Variants in CYP4F11 observed in about 807,000 individuals in gnomAD.
CYP4F11 encodes the protein cytochrome P450 family 4 subfamily F member 11.
A neutral mutation model predicts 62.2 loss-of-function variants in CYP4F11; 79 were observed. That is an observed-to-expected ratio of 1.27 (90% confidence interval 1.06 to 1.53). The LOEUF (loss-of-function observed/expected upper bound fraction) is 1.53. Among genes scored for constraint, CYP4F11 ranks in the 40% most tolerant of loss-of-function variants. The pLI is 0.00. For missense variants in CYP4F11, 777 were observed against 680.5 expected (o/e 1.14, Z -1.58); for synonymous variants, 290 against 263.7 (o/e 1.10, Z -0.97).
Position 15,913,435 on chromosome 19 carries a change from A to C in CYP4F11, c.*297T>G. 2.4e-6 allele frequency: 1 copy of C among 421,302 alleles called. No homozygotes were observed. The highest frequency in any genetic ancestry group is 2.1e-5 in the South Asian group (1 of 46,780). 26.1% of individuals were successfully genotyped at this position (421,302 alleles called of 1,614,324 possible). On this transcript the variant is annotated 3_prime_UTR_variant, in exon 12 of 12. Transcript: ENST00000402119. ...AGTCTTGCTCCTTAAACCCATTCTT[A>C]ATCCTGTTCCCTCTCCTGCTCAAAC...
intron 2 of CYP4F11, 33 bp downstream of exon 2, chr19:15,929,424 C>T: frequency 6.2e-7 from 1 of 1,613,652 alleles, no homozygotes; most frequent in Non-Finnish European, 8.5e-7. Context: ...TGATGTTTCC[C>T]AGCCCCCACT....
intron 1 of CYP4F11, among the ~76,000 whole-genome samples, chr19:15,930,637 A>G (rs892599213): frequency 2.1e-4 from 32 of 152,202 alleles, no homozygotes; most frequent in African/African-American, 7.2e-4. Flanking sequence ...ATACCAAAGC[A>G]GAGGGAGAAG....
rs2089536609 is a variant in CYP4F11, at chr19:15,912,422, A to T, written c.*1310T>A. 1 of 152,128 alleles carries T rather than the reference A, an allele frequency of 6.6e-6. No individual in the cohort carries two copies. 9.4% of individuals were successfully genotyped at this position (152,128 alleles called of 1,614,324 possible). On this transcript the variant is annotated 3_prime_UTR_variant, in exon 12 of 12. Transcript: ENST00000402119. ...TTGATAAAGGTGCAAAGGCAATACG[A>T]TGGTCCCAAATAAAAAATATAATGT...
intron 6 of CYP4F11, among the ~76,000 whole-genome samples, chr19:15,923,238 C>CT (rs2089642090): frequency 2.9e-4 from 32 of 110,464 alleles, no homozygotes; most frequent in Non-Finnish European, 3.7e-4. Context: ...AAGCAAACAT[C>CT]CTCTCTCTCT....
At chr19:15,931,583 A>G (rs373320202) in intron 1 of CYP4F11, among the ~76,000 whole-genome samples, 7,539 of 88,408 alleles carry the variant, frequency 0.085, 514 homozygotes, top group African/African-American at 0.11. Flanking sequence ...TGAGTGAGCG[A>G]GGAGAGGAAT....
intron 5 of CYP4F11, 85 bp downstream of exon 5, chr19:15,924,676 T>A: frequency 6.5e-7 from 1 of 1,540,344 alleles, no homozygotes; most frequent in Non-Finnish European, 8.8e-7. Context: ...GAAAGGCACT[T>A]CTGGTTACCC....
chr19:15,915,181 T>C (rs1371033347), intron 8 of CYP4F11, among the ~76,000 whole-genome samples: 1 of 152,180 alleles, frequency 6.6e-6, no homozygotes, highest in Admixed American at 6.5e-5. Context: ...ATATCCTTTA[T>C]GGTAAGAAAG....
At chr19:15,934,552 G>T (rs958450614), upstream of CYP4F11, 3 of 977,596 alleles carry the variant, frequency 3.1e-6, no homozygotes, top group East Asian at 2.8e-5. Flanking sequence ...CAAGAGCTGA[G>T]ATCTAAAGTC....
In CYP4F11 at chr19:15,931,163, G is replaced by A. The variant is rs1249960602; in HGVS notation, c.199-1562C>T. ...GTTAGTGAGGAAGAGCAAGATAGGA[G>A]GAAGGTGCCTCCAGAAAAGGAGGCA... is the stretch of plus-strand genomic sequence containing the variant. On this transcript the variant is annotated intron_variant, in intron 1 of 11. Coordinates refer to ENST00000402119, the MANE Select transcript of CYP4F11 (RefSeq NM_021187.4). 2.0e-5 allele frequency among the ~76,000 whole-genome samples: 3 copies of A among 151,720 alleles called. 1 individual carries two copies. The highest frequency in any genetic ancestry group is 1.3e-4 in the Admixed American group (2 of 15,260).
At position 15,914,904 on chromosome 19, in the gene CYP4F11, A is replaced by G. The variant is rs1329824566; in HGVS notation, c.1116-9T>C. 1 of 1,613,984 alleles carries G rather than the reference A, an allele frequency of 6.2e-7. No individual in the cohort carries two copies. Among genetic ancestry groups the G allele is most frequent in the Non-Finnish European group, 8.5e-7 (1 of 1,179,970 alleles). On this transcript the variant is annotated splice_polypyrimidine_tract_variant and intron_variant, in intron 8 of 11. Transcript: ENST00000402119. ...GCTGGGCCAGGTCGTCCCTAAGAAA[A>G]CACCCCAGCCCCAATCATTATCAAG...
At chr19:15,919,131 T>C (rs2089603577) in intron 8 of CYP4F11, among the ~76,000 whole-genome samples, 1 of 148,588 alleles carries the variant, frequency 6.7e-6, no homozygotes, top group Admixed American at 6.7e-5. Flanking sequence ...CATTATAATT[T>C]AATAATTAGG....
intron 6 of CYP4F11, among the ~76,000 whole-genome samples, chr19:15,923,435 T>C (rs552247658): frequency 3.0e-4 from 46 of 152,300 alleles, no homozygotes; most frequent in Middle Eastern, 3.4e-3. Flanking sequence ...AGAAGGAATA[T>C]GGGAATAGAG....
chr19:15,926,265 G>A (rs147168126), intron 4 of CYP4F11, among the ~76,000 whole-genome samples: 27 of 152,152 alleles, frequency 1.8e-4, no homozygotes, highest in African/African-American at 6.3e-4. Context: ...ATGGCACCCC[G>A]TGGGATTTAA....
chr19:15,925,588 C>T (rs908238497), intron 4 of CYP4F11, among the ~76,000 whole-genome samples: 5 of 151,778 alleles, frequency 3.3e-5, no homozygotes, highest in East Asian at 1.9e-4. Context: ...ACCTGGATGA[C>T]GGGTTGGTGG....
At chr19:15,915,394 A>G (rs12971888) in intron 8 of CYP4F11, among the ~76,000 whole-genome samples, 82,489 of 152,016 alleles carry the variant, frequency 0.54, 22,942 homozygotes, top group Non-Finnish European at 0.6. Context: ...ATTTATAAAC[A>G]TTTAAGACCC....
chr19:15,912,809 T>TACACAC lies in CYP4F11; in HGVS notation c.*922_*923insGTGTGT, dbSNP rs57767599. On this transcript the variant is annotated 3_prime_UTR_variant, in exon 12 of 12. Transcript: ENST00000402119. ...TATATAATATATATATATATATACA[T>TACACAC]ATCTTATATGCACAGCCCTCTAGGA... 1 of 106,248 alleles carries TACACAC rather than the reference T, an allele frequency of 9.4e-6. No individual in the cohort carries two copies. Among genetic ancestry groups the TACACAC allele is most frequent in the African/African-American group, 3.9e-5 (1 of 25,408 alleles). The allele number at this position is 106,248 out of a possible 1,614,324, so 6.6% of individuals were successfully genotyped here. A position where few individuals can be genotyped will look rare whatever the true frequency, so the allele number is the denominator to read the frequency against.
chr19:15,915,074 G>GA (rs1326915126), intron 8 of CYP4F11, among the ~76,000 whole-genome samples, 179 bp from the exon 9 acceptor site: 5 of 152,020 alleles, frequency 3.3e-5, no homozygotes, highest in African/African-American at 7.2e-5. Flanking sequence ...AAAAGTACCA[G>GA]AAAAAAATGG....
intron 2 of CYP4F11, among the ~76,000 whole-genome samples, chr19:15,928,916 A>C (rs757215001): frequency 6.6e-6 from 1 of 152,200 alleles, no homozygotes; most frequent in Non-Finnish European, 1.5e-5. Context: ...ACCAGCCTCA[A>C]ATCCCCCTAG....
intron 4 of CYP4F11, among the ~76,000 whole-genome samples, chr19:15,925,802 G>A (rs1426548050): frequency 6.6e-6 from 1 of 150,382 alleles, no homozygotes; most frequent in Non-Finnish European, 1.5e-5. Flanking sequence ...TGTTTGCAGA[G>A]AACAACATTG....
Sources: allele counts gnomAD v4.1 joint callset (sites outside exome capture counted in the v4.1 genomes callset), GRCh38; gene constraint gnomAD v4.1.1; transcripts MANE v1.5; gene names NCBI Gene and HGNC (gene_info 2026-07-23, HGNC 2026-07-21).